SPOP: variants seen among roughly 807,000 people sequenced by gnomAD.
The protein encoded by SPOP is speckle-type POZ protein.
Under a neutral mutation model 45.6 loss-of-function variants are expected in SPOP, and 11 were observed. That is an observed-to-expected ratio of 0.24 (90% CI 0.15 to 0.40). SPOP has a LOEUF of 0.40. SPOP is among the 10% of genes least tolerant of loss of function. The probability of loss-of-function intolerance (pLI) is 1.00; values close to 1 mark genes in which losing one functional copy is unlikely to be tolerated. For synonymous variants in SPOP, 166 were observed against 166.3 expected (o/e 1.00, Z 0.01); for missense variants, 152 against 465.6 (o/e 0.33, Z 6.20).
chr17:49,638,408 G>A (rs1567789232), intron 1 of SPOP, among the ~76,000 whole-genome samples: 1 of 152,078 alleles, frequency 6.6e-6, no homozygotes, highest in Non-Finnish European at 1.5e-5. Context: ...GACCAACATG[G>A]TGAAACCCCG....
At chr17:49,627,264 C>T (rs925709437) in intron 1 of SPOP, among the ~76,000 whole-genome samples, 1 of 152,202 alleles carries the variant, frequency 6.6e-6, no homozygotes, top group African/African-American at 2.4e-5. Context: ...CTGGCTTGTG[C>T]AATTCATGAT....
intron 2 of SPOP, 83 bp from the exon 3 acceptor site, chr17:49,622,150 C>G: frequency 6.6e-7 from 1 of 1,504,790 alleles, no homozygotes; most frequent in Non-Finnish European, 9.1e-7. Flanking sequence ...ATCATTTCCC[C>G]TCCCTCCCTC....
At chr17:49,609,426 A>AG (rs1466586583) in intron 6 of SPOP, among the ~76,000 whole-genome samples, 1 of 152,186 alleles carries the variant, frequency 6.6e-6, no homozygotes, top group Non-Finnish European at 1.5e-5. Context: ...CCAGGTCTTG[A>AG]GGGTCCTCGG....
intron 1 of SPOP, among the ~76,000 whole-genome samples, chr17:49,624,308 A>AAC (rs958798628): frequency 3.3e-4 from 45 of 136,444 alleles, no homozygotes; most frequent in South Asian, 7.1e-4. Flanking sequence ...CCTACGCGGG[A>AAC]ACACACACAC....
intron 1 of SPOP, among the ~76,000 whole-genome samples, chr17:49,628,726 AG>A (rs1179163074): frequency 6.6e-6 from 1 of 152,250 alleles, no homozygotes; most frequent in African/African-American, 2.4e-5. Flanking sequence ...TCTGGTCCCA[AG>A]CATTTCCGAT....
chr17:49,652,788 AAAT>A (rs749851597), intron 1 of SPOP, among the ~76,000 whole-genome samples: 58 of 152,228 alleles, frequency 3.8e-4, no homozygotes, highest in Non-Finnish European at 6.5e-4. Context: ...AATTCGCTTC[AAAT>A]AATACTTAAG....
intron 1 of SPOP, among the ~76,000 whole-genome samples, chr17:49,655,114 C>T (rs1194660879): frequency 6.6e-6 from 1 of 152,088 alleles, no homozygotes; most frequent in East Asian, 1.9e-4. Flanking sequence ...TGGTTATATA[C>T]TTTAAAAAGA....
chr17:49,606,747 G>A (rs1472369913), intron 8 of SPOP, among the ~76,000 whole-genome samples: 4 of 151,974 alleles, frequency 2.6e-5, no homozygotes, highest in East Asian at 1.9e-4. Context: ...CACCTGCCTC[G>A]GCCTCCGATA....
chr17:49,624,360 C>T (rs1049220033), intron 1 of SPOP, among the ~76,000 whole-genome samples: 4 of 151,430 alleles, frequency 2.6e-5, no homozygotes, highest in African/African-American at 9.7e-5. Flanking sequence ...CACACACACA[C>T]ACACGGTAAC....
intron 8 of SPOP, among the ~76,000 whole-genome samples, chr17:49,605,170 C>T (rs1314138940): frequency 2.6e-5 from 4 of 152,204 alleles, no homozygotes; most frequent in Admixed American, 2.6e-4. Context: ...GAACACTTCT[C>T]AAATTGAAAT....
chr17:49,650,180 C>T (rs897669022), intron 1 of SPOP, among the ~76,000 whole-genome samples: 2 of 152,046 alleles, frequency 1.3e-5, no homozygotes, highest in African/African-American at 4.8e-5. Flanking sequence ...TGTGAGCTAC[C>T]GCACCCAGCC....
intron 1 of SPOP, among the ~76,000 whole-genome samples, chr17:49,644,650 C>A (rs566077860): frequency 3.3e-5 from 5 of 152,038 alleles, no homozygotes; most frequent in Admixed American, 2.6e-4. Flanking sequence ...AATGGAAGAC[C>A]TAGATCTGAA....
At chr17:49,652,448 A>G (rs2072855532) in intron 1 of SPOP, among the ~76,000 whole-genome samples, 1 of 152,154 alleles carries the variant, frequency 6.6e-6, no homozygotes, top group Non-Finnish European at 1.5e-5. Context: ...ACCATTACCA[A>G]TGTCTTTGTG....
At chr17:49,612,208 G>C (rs2071989387) in intron 5 of SPOP, among the ~76,000 whole-genome samples, 1 of 152,146 alleles carries the variant, frequency 6.6e-6, no homozygotes. Flanking sequence ...AAGCCTAAAA[G>C]ACGTTATTTT....
Position 49,607,922 on chromosome 17 carries a change from A to G in SPOP, c.666T>C (p.Ser222=). The change falls in exon 7 of 10, where the codon TCT becomes TCC. Residue 222 remains serine, a synonymous_variant. Transcript: ENST00000504102. ...GTTCAAACATGGCACTAAAAACCGG[A>G]GAACGAGCTACAAAGTCAAAGAGAA... ...QAHKAILAAR[S]PVFSAMFEHE... is the part of the protein sequence containing the mutation. 6.2e-7 allele frequency: 1 copy of G among 1,612,434 alleles called. No individual in the cohort carries two copies. Among genetic ancestry groups the G allele is most frequent in the Non-Finnish European group, 8.5e-7 (1 of 1,178,986 alleles).
At chr17:49,639,161 A>C (rs2072599974) in intron 1 of SPOP, among the ~76,000 whole-genome samples, 1 of 152,224 alleles carries the variant, frequency 6.6e-6, no homozygotes, top group South Asian at 2.1e-4. Flanking sequence ...CAACTCTAAC[A>C]AATGAAAATA....
intron 1 of SPOP, among the ~76,000 whole-genome samples, chr17:49,667,171 G>A (rs1254744606): frequency 1.3e-4 from 16 of 120,726 alleles, no homozygotes; most frequent in African/African-American, 3.6e-4. Context: ...AGAATGAAAC[G>A]CTGTCTTAAA....
Position 49,619,204 on chromosome 17 carries a change from TAAG to T in SPOP, c.352+27_352+29del, listed in dbSNP as rs1256806687. The T allele has an allele frequency of 1.9e-6, 3 of 1,613,828 alleles. No homozygotes were observed. The highest frequency in any genetic ancestry group is 2.5e-6 in the Non-Finnish European group (3 of 1,179,928). Reference sequence around the variant, plus strand: ...GTATGAAACTTCTGGATGTGAAACTTAAGAGTTGAACAAAGAGGAGAACATTTA... The same window carrying T: ...GTATGAAACTTCTGGATGTGAAACTTAGTTGAACAAAGAGGAGAACATTTA... On this transcript the variant is annotated intron_variant, in intron 4 of 9. Transcript: ENST00000504102. This position sits in a 1 kb window ranked among gnomAD's most constrained non-coding sequence, Gnocchi z 4.9.
chr17:49,628,090 TAG>T (rs1430670874), intron 1 of SPOP, among the ~76,000 whole-genome samples: 3 of 152,252 alleles, frequency 2.0e-5, no homozygotes, highest in African/African-American at 7.2e-5. Context: ...ACCTGAGGGT[TAG>T]AGTTCGAGAA....
Sources: allele counts gnomAD v4.1 joint callset (sites outside exome capture counted in the v4.1 genomes callset), GRCh38; gene constraint gnomAD v4.1.1; non-coding constraint Gnocchi (gnomAD v3.1); transcripts MANE v1.5; gene names NCBI Gene and HGNC (gene_info 2026-07-23, HGNC 2026-07-21).